The following ATP6V1C1 variants were observed in gnomAD, a reference collection of about 807,000 sequenced individuals.
ATP6V1C1 encodes V-type proton ATPase subunit C 1.
In ATP6V1C1, 45 loss-of-function variants were observed where a neutral mutation model predicts 53.9. That is an observed-to-expected ratio of 0.83 (90% CI 0.66 to 1.07). The LOEUF (loss-of-function observed/expected upper bound fraction) is 1.07. Among genes scored for constraint, ATP6V1C1 ranks in the 50% least tolerant of loss-of-function variants. The probability of loss-of-function intolerance (pLI) is 0.00; values close to 1 mark genes in which losing one functional copy is unlikely to be tolerated. For missense variants in ATP6V1C1, 315 were observed against 440.3 expected, an observed-to-expected ratio of 0.72 and a Z score of 2.55; for synonymous variants, 153 against 155.2, an observed-to-expected ratio of 0.99 and a Z score of 0.11.
rs554339216 is a variant in ATP6V1C1 at position 103,029,209 on chromosome 8, G to A, written c.-40+7984G>A. 1.1e-3 allele frequency among the ~76,000 whole-genome samples: 167 copies of A among 151,298 alleles called. 1 individual carries two copies. Among genetic ancestry groups the A allele is most frequent in the African/African-American group, 4.0e-3 (163 of 41,206 alleles). ...CATTTTGTGGGTTTTGATAAATATTGCCAAATTGTGTTCCAGAAATTGTCT... is the reference window on the plus strand; with the variant it reads ...CATTTTGTGGGTTTTGATAAATATTACCAAATTGTGTTCCAGAAATTGTCT... On this transcript the variant is annotated intron_variant, in intron 1 of 12. Coordinates refer to ENST00000518738, the MANE Select transcript of ATP6V1C1 (RefSeq NM_001695.5).
intron 1 of ATP6V1C1, among the ~76,000 whole-genome samples, chr8:103,037,110 G>A (rs529975235): frequency 2.3e-4 from 35 of 152,270 alleles, no homozygotes; most frequent in African/African-American, 8.4e-4. Context: ...GGAAGCAACC[G>A]GCGATAGGTG....
At chr8:103,055,236 A>G (rs1305283046) in intron 7 of ATP6V1C1, among the ~76,000 whole-genome samples, 1 of 152,164 alleles carries the variant, frequency 6.6e-6, no homozygotes, top group African/African-American at 2.4e-5. Context: ...AGTTTTCTGT[A>G]CCTTGTAATT....
At chr8:103,031,795 T>C (rs2132861) in intron 1 of ATP6V1C1, among the ~76,000 whole-genome samples, 6,028 of 152,220 alleles carry the variant, frequency 0.04, 126 homozygotes, top group African/African-American at 0.047. Flanking sequence ...TGTGGAGCAG[T>C]ATCAAGTGGT....
At chr8:103,061,446 A>C (rs959726104) in intron 8 of ATP6V1C1, among the ~76,000 whole-genome samples, 1 of 152,148 alleles carries the variant, frequency 6.6e-6, no homozygotes, top group African/African-American at 2.4e-5. Flanking sequence ...TGCTTTAAAC[A>C]TTTTTTTAAT....
intron 8 of ATP6V1C1, among the ~76,000 whole-genome samples, chr8:103,060,095 G>C (rs895146335): frequency 2.0e-5 from 3 of 151,150 alleles, no homozygotes; most frequent in Non-Finnish European, 4.4e-5. Context: ...AGCTTCCCAA[G>C]TAGCTGGGAT....
chr8:103,064,015 G>T (rs548685656), intron 10 of ATP6V1C1, among the ~76,000 whole-genome samples: 18 of 152,140 alleles, frequency 1.2e-4, no homozygotes, highest in Non-Finnish European at 5.9e-5. Context: ...ATTTTGACAA[G>T]ATTTTCACTT....
At position 103,070,597 on chromosome 8, in the gene ATP6V1C1, CTT is replaced by C. The variant is rs1817570716; in HGVS notation, c.*1853_*1854del. 1 of 152,336 alleles carries C rather than the reference CTT, an allele frequency of 6.6e-6. No homozygotes were observed. The highest frequency in any genetic ancestry group is 1.5e-5 in the Non-Finnish European group (1 of 68,030). The allele number at this position is 152,336 out of a possible 1,614,324, so 9.4% of individuals were successfully genotyped here. A position where few individuals can be genotyped will look rare whatever the true frequency, so the allele number is the denominator to read the frequency against. ...GGGGCATGTTTTGACATTAAATTGA[CTT>C]TTAAGAAAAACATGTCACTAACCTG... On this transcript the variant is annotated 3_prime_UTR_variant, in exon 13 of 13. Coordinates refer to ENST00000518738, the MANE Select transcript of ATP6V1C1 (RefSeq NM_001695.5).
intron 3 of ATP6V1C1, among the ~76,000 whole-genome samples, chr8:103,048,479 G>T (rs757898774): frequency 1.3e-5 from 2 of 152,192 alleles, no homozygotes; most frequent in African/African-American, 2.4e-5. Context: ...ACAGTGTCTT[G>T]CATGTCATAG....
chr8:103,048,891 A>G lies in ATP6V1C1; in HGVS notation c.222A>G (p.Gln74=), dbSNP rs761023102. 8.0e-5 allele frequency: 129 copies of G among 1,613,220 alleles called. 2 individuals are homozygous for G. In the East Asian group the frequency reaches 2.7e-3, roughly 33 times the overall value. ...FVEGVVKKVA[Q]YMADVLEDSK... ...CCAGAGTGGTTAAGAAAGTAGCTCAATACATGGCTGATGTATTGGAAGATA... is the reference window on the plus strand; with the variant it reads ...CCAGAGTGGTTAAGAAAGTAGCTCAGTACATGGCTGATGTATTGGAAGATA... Residue 74 remains glutamine, a synonymous_variant, in exon 4 of 13, where the codon CAA becomes CAG. Transcript: ENST00000518738.
chr8:103,043,911 C>T (rs892493995), intron 3 of ATP6V1C1, among the ~76,000 whole-genome samples: 1 of 152,090 alleles, frequency 6.6e-6, no homozygotes, highest in Non-Finnish European at 1.5e-5. Flanking sequence ...CTTCTTGAGA[C>T]AGAGTCTCGC....
chr8:103,032,498 C>A (rs1337685744), intron 1 of ATP6V1C1, among the ~76,000 whole-genome samples: 1 of 151,080 alleles, frequency 6.6e-6, no homozygotes, highest in Non-Finnish European at 1.5e-5. Context: ...TTTTCTTTTT[C>A]TTTTCTTTCT....
Position 103,062,953 on chromosome 8 carries a change from A to G in ATP6V1C1, c.642-2A>G, listed in dbSNP as rs766952737. ...TTAAATGGACTTTTTTTTTTTCCAT[A>G]GTGTTCTTTCAGAGGACCAAGACAG... On this transcript the variant is annotated splice_acceptor_variant, in intron 8 of 12. Coordinates refer to ENST00000518738, the MANE Select transcript of ATP6V1C1 (RefSeq NM_001695.5). LOFTEE classifies it high-confidence loss of function. The G allele has an allele frequency of 6.2e-7, 1 of 1,606,514 alleles. No individual in the cohort carries two copies. Among genetic ancestry groups the G allele is most frequent in the Non-Finnish European group, 8.5e-7 (1 of 1,177,616 alleles).
intron 3 of ATP6V1C1, among the ~76,000 whole-genome samples, chr8:103,045,530 A>G (rs1002194825): frequency 6.6e-6 from 1 of 152,262 alleles, no homozygotes; most frequent in Non-Finnish European, 1.5e-5. Flanking sequence ...ATATATTCAT[A>G]TAGAGCAAAT....
chr8:103,041,525 G>C (rs1484537691), intron 2 of ATP6V1C1, among the ~76,000 whole-genome samples: 4 of 139,746 alleles, frequency 2.9e-5, no homozygotes, highest in African/African-American at 9.8e-5. Context: ...ACATTTTGCT[G>C]GTTAACTGAA....
intron 4 of ATP6V1C1, 131 bp downstream of exon 4, chr8:103,049,086 A>G: frequency 7.8e-6 from 6 of 771,512 alleles, no homozygotes; most frequent in South Asian, 1.9e-5. Flanking sequence ...TTAAAATACA[A>G]TTATTATTAC....
chr8:103,035,215 T>G (rs902142437), intron 1 of ATP6V1C1, among the ~76,000 whole-genome samples: 4 of 152,198 alleles, frequency 2.6e-5, no homozygotes, highest in Non-Finnish European at 4.4e-5. Context: ...TTTTTAATTT[T>G]TACTGTAAAA....
chr8:103,051,980 G>C (rs1227659886), intron 5 of ATP6V1C1, among the ~76,000 whole-genome samples: 2 of 151,922 alleles, frequency 1.3e-5, no homozygotes, highest in Non-Finnish European at 2.9e-5. Context: ...TTTAACTAAA[G>C]TCATCATGTA....
chr8:103,021,406 T>G (rs78634160), intron 1 of ATP6V1C1, 181 bp downstream of exon 1: 1 of 152,432 alleles, frequency 6.6e-6, no homozygotes, highest in African/African-American at 2.4e-5. Context: ...GGGCCTAGGT[T>G]CCGTCTCTAA....
At chr8:103,063,495 A>G (rs1328650619) in intron 10 of ATP6V1C1, among the ~76,000 whole-genome samples, 1 of 152,194 alleles carries the variant, frequency 6.6e-6, no homozygotes, top group Admixed American at 6.5e-5. Context: ...CCTAAAATAC[A>G]TACTTAAAAA....
Sources: gnomAD v4.1 joint callset for allele counts (sites outside exome capture counted in the v4.1 genomes callset) on GRCh38, gnomAD v4.1.1 for gene constraint, MANE v1.5 for transcripts, NCBI Gene and HGNC (gene_info 2026-07-23, HGNC 2026-07-21) for gene names.